Variants in PSME3IP1 observed in about 807,000 individuals in gnomAD.
The protein encoded by PSME3IP1 is PSME3-interacting protein.
In PSME3IP1, 13 loss-of-function variants were observed where a neutral mutation model predicts 34.1. The observed-to-expected ratio is 0.38, with a 90% confidence interval of 0.25 to 0.61. The LOEUF is 0.61. Ranked by LOEUF, PSME3IP1 falls within the 20% of genes least tolerant of loss-of-function variation. PSME3IP1 has a pLI of 0.60. For missense variants in PSME3IP1, 237 were observed against 301.4 expected, an observed-to-expected ratio of 0.79 and a Z score of 1.58; for synonymous variants, 93 against 114.3, an observed-to-expected ratio of 0.81 and a Z score of 1.19.
At chr16:57,165,656 C>A (rs574584984) in intron 5 of PSME3IP1, among the ~76,000 whole-genome samples, 1 of 152,146 alleles carries the variant, frequency 6.6e-6, no homozygotes, top group Non-Finnish European at 1.5e-5. Flanking sequence ...GCAAGGCCTG[C>A]GAATATAAAT....
At chr16:57,174,091 C>T in intron 1 of PSME3IP1, 1 of 422,386 alleles carries the variant, frequency 2.4e-6, no homozygotes, top group Non-Finnish European at 4.3e-6. Context: ...GTCAGGAGTT[C>T]AAGACCATCC....
intron 1 of PSME3IP1, chr16:57,185,413 C>T: frequency 1.4e-6 from 1 of 714,052 alleles, no homozygotes; most frequent in Non-Finnish European, 1.7e-6. Context: ...AAATGTGCTT[C>T]CCATCCTGCA....
rs2072655496 is a variant in PSME3IP1, at chr16:57,172,123, C to T, written c.348+128G>A. ...CAGCTTTTCAGAATTACAGGAATATCAGTGTTCAAAGGGACTTGAGAGATC... is the reference window on the plus strand; with the variant it reads ...CAGCTTTTCAGAATTACAGGAATATTAGTGTTCAAAGGGACTTGAGAGATC... On this transcript the variant is annotated intron_variant, in intron 4 of 6. Transcript: ENST00000309137. 6 of 926,456 alleles carry T rather than the reference C, an allele frequency of 6.5e-6. No homozygotes were observed. In the East Asian group the frequency reaches 7.5e-5, roughly 12 times the overall value. 57.4% of individuals were successfully genotyped at this position (926,456 alleles called of 1,614,324 possible).
In PSME3IP1 at chr16:57,153,920, CT is replaced by C. The variant is rs2070201950; in HGVS notation, c.*369del. The C allele has an allele frequency of 4.3e-6, 1 of 233,624 alleles. No homozygotes were observed. Among genetic ancestry groups the C allele is most frequent in the Non-Finnish European group, 8.5e-6 (1 of 117,594 alleles). 14.5% of individuals were successfully genotyped at this position (233,624 alleles called of 1,614,324 possible). On this transcript the variant is annotated 3_prime_UTR_variant, in exon 7 of 7. Coordinates refer to ENST00000309137, the MANE Select transcript of PSME3IP1 (RefSeq NM_024946.4). ...ACCTGTCCAATAACTGCCCTTACTT[CT>C]TTGTGCTGTCGGGAAAAGAAAAAAC...
intron 1 of PSME3IP1, among the ~76,000 whole-genome samples, chr16:57,181,317 C>G (rs1172036282): frequency 2.0e-5 from 3 of 152,004 alleles, no homozygotes; most frequent in African/African-American, 7.3e-5. Flanking sequence ...TCATCTGGGG[C>G]TCACAGGAAG....
At chr16:57,156,197 T>C (rs1040807883) in intron 6 of PSME3IP1, among the ~76,000 whole-genome samples, 3 of 152,250 alleles carry the variant, frequency 2.0e-5, no homozygotes, top group African/African-American at 7.2e-5. Context: ...AGGTTGTAGG[T>C]TGCTTAGGGC....
chr16:57,185,764 C>T, intron 1 of PSME3IP1, 57 bp downstream of exon 1: 1 of 985,480 alleles, frequency 1.0e-6, no homozygotes, highest in Non-Finnish European at 1.2e-6. Context: ...TCATCTCTTC[C>T]GTAAGGAAGC....
intron 6 of PSME3IP1, among the ~76,000 whole-genome samples, chr16:57,161,962 T>C (rs1275792520): frequency 2.0e-5 from 3 of 152,156 alleles, no homozygotes; most frequent in Non-Finnish European, 4.4e-5. Context: ...TGGAGAGCAA[T>C]GGTGCAATCT....
intron 1 of PSME3IP1, among the ~76,000 whole-genome samples, chr16:57,180,549 G>A (rs1487922373): frequency 5.9e-5 from 9 of 151,638 alleles, no homozygotes; most frequent in Admixed American, 4.6e-4. Flanking sequence ...GAGATTTCAC[G>A]CCGCTGCACT....
chr16:57,167,095 C>T lies in PSME3IP1; in HGVS notation c.480G>A (p.Lys160=), dbSNP rs1187116216. ...GAGTTGTGTGAGTGCTGACTAACCT[C>T]TTATGCTTCACAGCTCCTGCCAACA... ...AKLLAGAVKH[K]SSESGNSVKR... The change falls in exon 5 of 7, where the codon AAG becomes AAA. Residue 160 remains lysine, a splice_region_variant and synonymous_variant. Coordinates refer to ENST00000309137, the MANE Select transcript of PSME3IP1 (RefSeq NM_024946.4). 6.2e-7 allele frequency: 1 copy of T among 1,613,312 alleles called. No homozygotes were observed. The highest frequency in any genetic ancestry group is 1.3e-5 in the African/African-American group (1 of 74,902).
Position 57,185,933 on chromosome 16 carries a change from GAAAC to G in PSME3IP1, c.-132_-129del, listed in dbSNP as rs2074142126. 1.0e-6 allele frequency: 1 copy of G among 980,778 alleles called. No individual in the cohort carries two copies. The highest frequency in any genetic ancestry group is 1.2e-6 in the Non-Finnish European group (1 of 827,692). The allele number at this position is 980,778 out of a possible 1,614,324, so 60.8% of individuals were successfully genotyped here. A position where few individuals can be genotyped will look rare whatever the true frequency, so the allele number is the denominator to read the frequency against. On this transcript the variant is annotated 5_prime_UTR_variant, in exon 1 of 7. Coordinates refer to ENST00000309137, the MANE Select transcript of PSME3IP1 (RefSeq NM_024946.4). ...AAAAAAAATGAAAGGAAGAAAGAAA[GAAAC>G]AGAGGAAGGAATGAATGAAAGAAAG...
In PSME3IP1 at chr16:57,157,330, A is replaced by AGAAG. The variant is rs201692512; in HGVS notation, c.548-2824_548-2823insCTTC. On this transcript the variant is annotated intron_variant, in intron 6 of 6. Transcript: ENST00000309137. ...CCTATCTCCAAAAAAAAAAAAAAAAAAAGAAGAAGAAGAAGAAGAAGAAAG... is the reference window on the plus strand; with the variant it reads ...CCTATCTCCAAAAAAAAAAAAAAAAAGAAGAAGAAGAAGAAGAAGAAGAAGAAAG... 2.8e-4 allele frequency among the ~76,000 whole-genome samples: 41 copies of AGAAG among 149,084 alleles called. No homozygotes were observed. In the East Asian group the frequency reaches 5.4e-3, roughly 20 times the overall value.
intron 1 of PSME3IP1, 79 bp from the exon 2 acceptor site, chr16:57,173,948 T>C (rs1317921107): frequency 7.1e-7 from 1 of 1,401,144 alleles, no homozygotes; most frequent in Non-Finnish European, 9.8e-7. Flanking sequence ...AACAAGGAGA[T>C]TTAGCTCCAT....
chr16:57,167,991 T>C (rs1208202159), intron 4 of PSME3IP1, among the ~76,000 whole-genome samples: 1 of 152,220 alleles, frequency 6.6e-6, no homozygotes, highest in East Asian at 1.9e-4. Flanking sequence ...TTTTACTCTT[T>C]TGAAGTGAAG....
At chr16:57,164,546 G>A (rs1045442832) in intron 5 of PSME3IP1, among the ~76,000 whole-genome samples, 2 of 152,190 alleles carry the variant, frequency 1.3e-5, no homozygotes, top group African/African-American at 4.8e-5. Flanking sequence ...GACCCCAGAA[G>A]GAAGGGGTGG....
At chr16:57,166,037 G>C (rs375578981) in intron 5 of PSME3IP1, among the ~76,000 whole-genome samples, 2 of 152,298 alleles carry the variant, frequency 1.3e-5, no homozygotes, top group East Asian at 1.9e-4. Flanking sequence ...TCATGGTTTG[G>C]GTAGCGAGCC....
At chr16:57,155,184 G>A (rs1405793103) in intron 6 of PSME3IP1, among the ~76,000 whole-genome samples, 1 of 152,204 alleles carries the variant, frequency 6.6e-6, no homozygotes, top group Non-Finnish European at 1.5e-5. Flanking sequence ...CTTTCCAGTT[G>A]TGTTCTTTTA....
upstream of PSME3IP1, chr16:57,186,104 A>G (rs7186799): frequency 3.0e-6 from 3 of 985,064 alleles, no homozygotes; most frequent in African/African-American, 1.8e-5. Flanking sequence ...CGGGAGCCCG[A>G]TGGAAATCCG....
At chr16:57,155,710 G>A (rs189024489) in intron 6 of PSME3IP1, among the ~76,000 whole-genome samples, 1 of 152,292 alleles carries the variant, frequency 6.6e-6, no homozygotes, top group Admixed American at 6.5e-5. Context: ...GACTGAGGGA[G>A]GAGAATAGCT....
Sources: gnomAD v4.1 joint callset for allele counts (sites outside exome capture counted in the v4.1 genomes callset) on GRCh38, gnomAD v4.1.1 for gene constraint, MANE v1.5 for transcripts, NCBI Gene and HGNC (gene_info 2026-07-23, HGNC 2026-07-21) for gene names.